Variants in ST6GALNAC5 observed in about 807,000 individuals in gnomAD.
ST6GALNAC5 encodes alpha-N-acetylgalactosaminide alpha-2,6-sialyltransferase 5.
A neutral mutation model predicts 33.6 loss-of-function variants in ST6GALNAC5; 27 were observed. The observed-to-expected ratio is 0.80, with a 90% CI of 0.59 to 1.11. ST6GALNAC5 has a LOEUF of 1.11. ST6GALNAC5 is among the 50% of genes least tolerant of loss of function. The pLI is 0.00. For synonymous variants in ST6GALNAC5, 194 were observed against 171.2 expected, an observed-to-expected ratio of 1.13 and a Z score of -1.04; for missense variants, 428 against 454.0, an observed-to-expected ratio of 0.94 and a Z score of 0.52.
chr1:76,920,626 G>T (rs1647024613), intron 2 of ST6GALNAC5, among the ~76,000 whole-genome samples: 1 of 152,144 alleles, frequency 6.6e-6, no homozygotes, highest in Non-Finnish European at 1.5e-5. Flanking sequence ...CTTCTGAAAA[G>T]TTTTTTATGC....
chr1:76,977,979 A>G (rs1161975056), intron 2 of ST6GALNAC5, among the ~76,000 whole-genome samples: 1 of 152,140 alleles, frequency 6.6e-6, no homozygotes, highest in African/African-American at 2.4e-5. Flanking sequence ...CATTCTCTCC[A>G]GCATTTGTTA....
At chr1:77,000,941 G>A (rs1419401953) in intron 2 of ST6GALNAC5, among the ~76,000 whole-genome samples, 2 of 151,730 alleles carry the variant, frequency 1.3e-5, no homozygotes, top group African/African-American at 2.4e-5. Flanking sequence ...CTCCAGCTTT[G>A]TTCTTTTGGC....
intron 2 of ST6GALNAC5, among the ~76,000 whole-genome samples, chr1:76,967,356 T>G (rs1191469180): frequency 6.6e-6 from 1 of 152,200 alleles, no homozygotes; most frequent in Non-Finnish European, 1.5e-5. Context: ...ATTTATCCAT[T>G]TCTTCTATAT....
chr1:76,990,337 G>C (rs1186710200), intron 2 of ST6GALNAC5, among the ~76,000 whole-genome samples: 2 of 152,156 alleles, frequency 1.3e-5, no homozygotes, highest in African/African-American at 2.4e-5. Context: ...TGTATGGCAA[G>C]CTGATTTATG....
At chr1:76,965,966 A>G (rs765416632) in intron 2 of ST6GALNAC5, among the ~76,000 whole-genome samples, 5 of 152,092 alleles carry the variant, frequency 3.3e-5, no homozygotes, top group Non-Finnish European at 7.4e-5. Context: ...ATTGGTCTAT[A>G]TATCTGTTTT....
At chr1:76,919,022 G>A (rs575573823) in intron 2 of ST6GALNAC5, among the ~76,000 whole-genome samples, 149 of 152,078 alleles carry the variant, frequency 9.8e-4, no homozygotes, top group Non-Finnish European at 1.8e-3. Context: ...GCAATGCCTC[G>A]GTTCTCAGGC....
chr1:76,981,051 G>A (rs1017816976), intron 2 of ST6GALNAC5, among the ~76,000 whole-genome samples: 5 of 151,898 alleles, frequency 3.3e-5, no homozygotes, highest in Non-Finnish European at 4.4e-5. Flanking sequence ...GAACAGCTTC[G>A]GTCTGCATCT....
At chr1:77,030,551 G>A (rs1293206439) in intron 2 of ST6GALNAC5, among the ~76,000 whole-genome samples, 1 of 152,168 alleles carries the variant, frequency 6.6e-6, no homozygotes, top group Non-Finnish European at 1.5e-5. Context: ...ACTCCAGGGA[G>A]TTGGAATCCA....
rs537541029 is a variant in ST6GALNAC5, at chr1:77,050,401, T to G, written c.779+36T>G. Reference sequence around the variant, plus strand: ...TTCTGCAAGTGTAAATCATCAGCCGTGTTGTGCAGGATTTATAAATATCTG... The same window carrying G: ...TTCTGCAAGTGTAAATCATCAGCCGGGTTGTGCAGGATTTATAAATATCTG... On this transcript the variant is annotated intron_variant, in intron 4 of 4. Coordinates refer to ENST00000477717, the MANE Select transcript of ST6GALNAC5 (RefSeq NM_030965.3). 1.6e-4 allele frequency: 250 copies of G among 1,581,602 alleles called. 3 individuals carry two copies. In the South Asian group the frequency reaches 2.6e-3, roughly 17 times the overall value.
At chr1:76,980,699 AC>A in intron 2 of ST6GALNAC5, among the ~76,000 whole-genome samples, 1 of 152,298 alleles carries the variant, frequency 6.6e-6, no homozygotes, top group East Asian at 1.9e-4. Flanking sequence ...CCACCTTTCC[AC>A]TCCATACACA....
chr1:76,964,206 A>G (rs1054696504), intron 2 of ST6GALNAC5, among the ~76,000 whole-genome samples: 1 of 152,120 alleles, frequency 6.6e-6, no homozygotes, highest in South Asian at 2.1e-4. Flanking sequence ...AACAGCAGCT[A>G]TAAAAAAAAA....
intron 2 of ST6GALNAC5, among the ~76,000 whole-genome samples, chr1:76,931,823 A>G (rs1647144264): frequency 6.6e-6 from 1 of 152,148 alleles, no homozygotes; most frequent in African/African-American, 2.4e-5. Flanking sequence ...ATCTGTAGAC[A>G]TTAAAGAAGG....
intron 2 of ST6GALNAC5, among the ~76,000 whole-genome samples, chr1:77,020,275 CTG>C (rs1262444322): frequency 6.6e-6 from 1 of 152,172 alleles, no homozygotes; most frequent in Non-Finnish European, 1.5e-5. Flanking sequence ...ACATTTGAGA[CTG>C]GGGTCTTGCA....
At chr1:76,979,998 A>G (rs1442580151) in intron 2 of ST6GALNAC5, among the ~76,000 whole-genome samples, 1 of 152,158 alleles carries the variant, frequency 6.6e-6, no homozygotes, top group Non-Finnish European at 1.5e-5. Flanking sequence ...AGAAAACATA[A>G]GGGATATGCT....
At position 76,999,597 on chromosome 1, in the gene ST6GALNAC5, A is replaced by G. The variant is rs549381511; in HGVS notation, c.262-44607A>G. On this transcript the variant is annotated intron_variant, in intron 2 of 4. Transcript: ENST00000477717. ...GCTGGTGCGCTGCACCCACTAACTC[A>G]TCATCTAGCATTAGGTATATCTCCC... Among the ~76,000 whole-genome samples the G allele has an allele frequency of 6.1e-3, 925 of 150,996 alleles. 9 individuals carry two copies. The highest frequency in any genetic ancestry group is 0.021 in the African/African-American group (854 of 41,182).
At chr1:76,910,416 A>C (rs541861225) in intron 2 of ST6GALNAC5, among the ~76,000 whole-genome samples, 25 of 152,134 alleles carry the variant, frequency 1.6e-4, no homozygotes, top group African/African-American at 5.5e-4. Context: ...TAAATATTGT[A>C]ATTTCAGGGG....
At chr1:77,029,584 G>A (rs982237691) in intron 2 of ST6GALNAC5, among the ~76,000 whole-genome samples, 17 of 152,198 alleles carry the variant, frequency 1.1e-4, no homozygotes, top group Non-Finnish European at 1.8e-4. Flanking sequence ...GACTAGAAAC[G>A]AAGTCCCTGA....
At chr1:77,048,816 C>T (rs867780364) in intron 3 of ST6GALNAC5, among the ~76,000 whole-genome samples, 15 of 152,298 alleles carry the variant, frequency 9.8e-5, no homozygotes, top group African/African-American at 3.6e-4. Flanking sequence ...GCTTATTTAG[C>T]TCTCAAGTAG....
intron 2 of ST6GALNAC5, among the ~76,000 whole-genome samples, chr1:76,912,244 T>C (rs538574796): frequency 6.6e-6 from 1 of 152,120 alleles, no homozygotes; most frequent in Admixed American, 6.5e-5. Context: ...TTTGAGTGAG[T>C]TTCTTAATCC....
Sources: gnomAD v4.1 joint callset for allele counts (sites outside exome capture counted in the v4.1 genomes callset) on GRCh38, gnomAD v4.1.1 for gene constraint, MANE v1.5 for transcripts, NCBI Gene and HGNC (gene_info 2026-07-23, HGNC 2026-07-21) for gene names.